The following MVD variants were observed in gnomAD, a reference collection of about 807,000 sequenced individuals.
MVD encodes diphosphomevalonate decarboxylase.
MVD carries 52 observed loss-of-function variants against 42.4 expected under a neutral mutation model. The observed-to-expected ratio is 1.23, with a 90% CI of 0.98 to 1.55. The LOEUF is 1.55. MVD is among the 40% of genes most tolerant of loss of function. The pLI is 0.00. For synonymous variants in MVD, 287 were observed against 243.2 expected (o/e 1.18, Z -1.68); for missense variants, 663 against 572.1 (o/e 1.16, Z -1.62).
In MVD at chr16:88,652,542, G is replaced by A. The variant is rs942046989; in HGVS notation, c.1186C>T (p.Pro396Ser). 3.8e-6 allele frequency: 6 copies of A among 1,573,268 alleles called. No homozygotes were observed. In the East Asian group the frequency reaches 7.0e-5, roughly 18 times the overall value. Reference sequence around the variant, plus strand: ...TGAGGCAGTCAGGCAGCTGGCTTCGGCAGGCCGTCAGGACCCAGGAGGTGG... The same window carrying A: ...TGAGGCAGTCAGGCAGCTGGCTTCGACAGGCCGTCAGGACCCAGGAGGTGG... Reference protein sequence around the residue: ...CAHLLGPDGLPKPAA With the variant: ...CAHLLGPDGLSKPAA Residue 396 changes from proline to serine, a missense_variant, in exon 10 of 10, where the codon CCG (proline) becomes TCG (serine). Transcript: ENST00000301012.
intron 1 of MVD, among the ~76,000 whole-genome samples, chr16:88,660,010 A>T (rs1471630281): frequency 6.6e-6 from 1 of 151,280 alleles, no homozygotes; most frequent in South Asian, 2.1e-4. Context: ...AAAAAGAAAC[A>T]GATCCCTCCC....
Position 88,655,355 on chromosome 16 carries a change from T to G in MVD, c.741A>C (p.Arg247=). Residue 247 remains arginine, a synonymous_variant, in exon 7 of 10, where the codon CGA becomes CGC. Transcript: ENST00000301012. The part of the protein sequence containing the change: ...MAEMARCIRE[R]DFPSFAQLTM... Reference sequence around the variant, plus strand: ...TCAGCTGGGCGAAGCTGGGGAAGTCTCGCTCCCGGATGCAGCGGGCCATCT... The same window carrying G: ...TCAGCTGGGCGAAGCTGGGGAAGTCGCGCTCCCGGATGCAGCGGGCCATCT... The G allele has an allele frequency of 1.2e-6, 2 of 1,602,242 alleles. No individual in the cohort carries two copies. Among genetic ancestry groups the G allele is most frequent in the Non-Finnish European group, 1.7e-6 (2 of 1,175,048 alleles).
At chr16:88,659,206 CG>C (rs1338193999) in intron 1 of MVD, 1 of 181,710 alleles carries the variant, frequency 5.5e-6, no homozygotes, top group East Asian at 1.3e-4. Context: ...GGGAGCGCTG[CG>C]TGGTGCTTCA....
At chr16:88,653,623 G>T in intron 8 of MVD, 1 of 532,358 alleles carries the variant, frequency 1.9e-6, no homozygotes. Flanking sequence ...ATGACCCTGT[G>T]AATGTCCTCA....
rs922643466 is a variant in MVD at position 88,657,774 on chromosome 16, A to G, written c.256+141T>C. 18 of 1,234,392 alleles carry G rather than the reference A, an allele frequency of 1.5e-5. No homozygotes were observed. In the South Asian group the frequency reaches 2.4e-4, roughly 17 times the overall value. The allele number at this position is 1,234,392 out of a possible 1,614,324, so 76.5% of individuals were successfully genotyped here. A position where few individuals can be genotyped will look rare whatever the true frequency, so the allele number is the denominator to read the frequency against. ...TCATTGAGGTGGGCCACTGCCCTGG[A>G]GCTGGCGGCCCAGCGGGCATGTCTG... On this transcript the variant is annotated intron_variant, in intron 3 of 9. Transcript: ENST00000301012.
chr16:88,655,834 G>T, intron 5 of MVD, 104 bp from the exon 6 acceptor site: 1 of 1,377,962 alleles, frequency 7.3e-7, no homozygotes, highest in Non-Finnish European at 9.9e-7. Context: ...AGGCAGCGGG[G>T]GTGGGAGTCA....
chr16:88,655,065 T>G, intron 7 of MVD, 134 bp downstream of exon 7: 1 of 1,145,744 alleles, frequency 8.7e-7, no homozygotes. Context: ...GTCAGTGAGC[T>G]TCGCACACAG....
intron 1 of MVD, among the ~76,000 whole-genome samples, chr16:88,659,694 G>A (rs529566945): frequency 3.9e-5 from 6 of 152,288 alleles, no homozygotes; most frequent in East Asian, 1.9e-4. Flanking sequence ...GGCCGGGCGC[G>A]GTGGCTCACG....
chr16:88,652,689 G>T, intron 9 of MVD, 84 bp from the exon 10 acceptor site: 2 of 1,330,554 alleles, frequency 1.5e-6, no homozygotes, highest in Non-Finnish European at 2.1e-6. Flanking sequence ...GACACAGGAG[G>T]GTAGCGGTGT....
At chr16:88,661,365 G>A (rs1256518038) in intron 1 of MVD, among the ~76,000 whole-genome samples, 1 of 152,100 alleles carries the variant, frequency 6.6e-6, no homozygotes, top group Non-Finnish European at 1.5e-5. Flanking sequence ...ATGTCCAACA[G>A]GAGACTAATA....
At position 88,652,551 on chromosome 16, in the gene MVD, C is replaced by A; in HGVS notation, c.1177G>T (p.Asp393Tyr). Residue 393 changes from aspartate to tyrosine, a missense_variant, in exon 10 of 10, where the codon GAC becomes TAC. Asp to Tyr is a radical substitution (Grantham distance 160). Transcript: ENST00000301012. ...CAGGCAGCTGGCTTCGGCAGGCCGT[C>A]AGGACCCAGGAGGTGGGCGCAGGGG... is the stretch of plus-strand genomic sequence containing the variant. ...DDPCAHLLGP[D>Y]GLPKPAA 6.4e-7 allele frequency: 1 copy of A among 1,572,994 alleles called. No homozygotes were observed. The highest frequency in any genetic ancestry group is 8.6e-7 in the Non-Finnish European group (1 of 1,159,152).
At chr16:88,658,095 T>G (rs911300577) in intron 2 of MVD, 66 bp from the exon 3 acceptor site, 1 of 1,501,470 alleles carries the variant, frequency 6.7e-7, no homozygotes, top group Non-Finnish European at 9.3e-7. Flanking sequence ...CAGGTACCCC[T>G]TTCTACTGAG....
At chr16:88,658,952 C>T (rs1359057096) in intron 1 of MVD, 11 of 539,990 alleles carry the variant, frequency 2.0e-5, no homozygotes, top group African/African-American at 3.8e-5. Flanking sequence ...CCTCCGTCCC[C>T]GCTCCCCATT....
intron 2 of MVD, among the ~76,000 whole-genome samples, 156 bp downstream of exon 2, chr16:88,658,494 G>A (rs1001464758): frequency 2.0e-5 from 3 of 152,036 alleles, no homozygotes; most frequent in East Asian, 1.9e-4. Context: ...GCAGTGGTGC[G>A]ATCATGGTTC....
Position 88,654,698 on chromosome 16 carries a change from C to G in MVD, c.1007G>C (p.Gly336Ala). ...GGGCGGGGTCCACACTCACGTGTCT[C>G]CATTCGAGCCTGGGGGAAAGCCGTG... The part of the protein sequence containing the change: ...VWHGFPPGSN[G>A]DTFLKGLQVR... The change falls in exon 8 of 10, where the codon GGA becomes GCA. Residue 336 changes from glycine to alanine, a missense_variant. Transcript: ENST00000301012. The G allele has an allele frequency of 3.8e-6, 6 of 1,597,828 alleles. No homozygotes were observed. The highest frequency in any genetic ancestry group is 5.1e-6 in the Non-Finnish European group (6 of 1,175,076).
intron 8 of MVD, 81 bp from the exon 9 acceptor site, chr16:88,653,489 G>A: frequency 2.5e-6 from 3 of 1,181,394 alleles, no homozygotes; most frequent in Non-Finnish European, 3.5e-6. Flanking sequence ...CAAGTCCAGA[G>A]ATGGGAAGTG....
At chr16:88,656,829 G>T (rs1041954428) in intron 4 of MVD, 2 of 250,340 alleles carry the variant, frequency 8.0e-6, no homozygotes, top group East Asian at 2.2e-4. Context: ...GAAGGCGCAG[G>T]AGCCCAGGTG....
At chr16:88,654,664 A>T (rs1567613775) in intron 8 of MVD, 28 bp downstream of exon 8, 1 of 1,577,730 alleles carries the variant, frequency 6.3e-7, no homozygotes, top group Non-Finnish European at 8.6e-7. Context: ...ATCTCCCAAA[A>T]AGGAGGAGGG....
Position 88,655,708 on chromosome 16 carries a change from G to A in MVD, c.626C>T (p.Thr209Ile), listed in dbSNP as rs1468473376. ...GGCCCGCATGCCCACGGTACTGCCT[G>A]TCAGCTTCTTCTCAGCGCTCACCTG... The part of the protein sequence containing the change: ...ILVVSAEKKL[T>I]GSTVGMRASV... Residue 209 changes from threonine to isoleucine, a missense_variant, in exon 6 of 10, where the codon ACA becomes ATA. Coordinates refer to ENST00000301012, the MANE Select transcript of MVD (RefSeq NM_002461.3). 4 of 1,560,114 alleles carry A rather than the reference G, an allele frequency of 2.6e-6. 1 individual carries two copies. In the Admixed American group the frequency reaches 5.6e-5, roughly 22 times the overall value.
Sources: allele counts gnomAD v4.1 joint callset (sites outside exome capture counted in the v4.1 genomes callset), GRCh38; gene constraint gnomAD v4.1.1; transcripts MANE v1.5; gene names NCBI Gene and HGNC (gene_info 2026-07-23, HGNC 2026-07-21).